TMEM87A: variants seen among roughly 807,000 people sequenced by gnomAD.
TMEM87A encodes Golgi-pH regulating cation channel.
A neutral mutation model predicts 90.0 loss-of-function variants in TMEM87A; 50 were observed. That is an observed-to-expected ratio of 0.56 (90% CI 0.44 to 0.70). The LOEUF is 0.70. Among genes scored for constraint, TMEM87A ranks in the 30% least tolerant of loss-of-function variants. The pLI is 0.00. For synonymous variants in TMEM87A, 226 were observed against 226.7 expected, an observed-to-expected ratio of 1.00 and a Z score of 0.03; for missense variants, 577 against 660.5, an observed-to-expected ratio of 0.87 and a Z score of 1.39.
chr15:42,221,273 G>GAC (rs1266147403), intron 15 of TMEM87A, among the ~76,000 whole-genome samples: 4 of 143,150 alleles, frequency 2.8e-5, no homozygotes, highest in Admixed American at 6.9e-5. Context: ...GACAGAGACA[G>GAC]AGAGAGAGAG....
At chr15:42,217,927 T>C (rs2050409551) in intron 18 of TMEM87A, 94 bp from the exon 19 acceptor site, 2 of 1,275,400 alleles carry the variant, frequency 1.6e-6, no homozygotes, top group Non-Finnish European at 2.2e-6. Context: ...AAAAGCTTTA[T>C]AATTATCTAA....
intron 8 of TMEM87A, 99 bp downstream of exon 8, chr15:42,239,571 A>G (rs2050834351): frequency 9.7e-7 from 1 of 1,027,210 alleles, no homozygotes; most frequent in Admixed American, 1.8e-5. Flanking sequence ...TGAATTGCAC[A>G]GGAACAATTC....
chr15:42,223,816 T>A (rs1210960055), intron 15 of TMEM87A, among the ~76,000 whole-genome samples: 1 of 152,076 alleles, frequency 6.6e-6, no homozygotes, highest in Non-Finnish European at 1.5e-5. Context: ...TTAATTCTCA[T>A]CCACCAAATC....
At chr15:42,263,982 A>T in intron 4 of TMEM87A, 108 bp downstream of exon 4, 1 of 765,414 alleles carries the variant, frequency 1.3e-6, no homozygotes, top group Non-Finnish European at 2.2e-6. Flanking sequence ...GCTTCCACTT[A>T]CTTCTGCCAA....
intron 6 of TMEM87A, among the ~76,000 whole-genome samples, chr15:42,256,721 T>C (rs187674927): frequency 2.6e-5 from 4 of 152,302 alleles, no homozygotes; most frequent in African/African-American, 9.6e-5. Flanking sequence ...AATAATTTTT[T>C]TGCTGTTGTT....
At chr15:42,228,560 C>A in intron 13 of TMEM87A, 152 bp downstream of exon 13, 1 of 634,932 alleles carries the variant, frequency 1.6e-6, no homozygotes, top group South Asian at 1.9e-5. Context: ...TTTTAAAAAC[C>A]ACAGATCCTT....
At chr15:42,227,324 C>A (rs929527884) in intron 14 of TMEM87A, among the ~76,000 whole-genome samples, 1 of 152,178 alleles carries the variant, frequency 6.6e-6, no homozygotes, top group African/African-American at 2.4e-5. Context: ...ATCCTACTGT[C>A]ACAGTCGTTG....
Position 42,219,954 on chromosome 15 carries a change from C to G in TMEM87A, c.1477+108G>C, listed in dbSNP as rs1318413812. The G allele has an allele frequency of 3.7e-6, 4 of 1,080,606 alleles. No homozygotes were observed. In the East Asian group the frequency reaches 8.0e-5, roughly 22 times the overall value. The allele number at this position is 1,080,606 out of a possible 1,614,324, so 66.9% of individuals were successfully genotyped here. On this transcript the variant is annotated intron_variant, in intron 16 of 19. Coordinates refer to ENST00000389834, the MANE Select transcript of TMEM87A (RefSeq NM_015497.5). ...CACACCCTTATTTTCTTAACCCTGA[C>G]TTCATCCCACACCAAATATAGGAAC... is the stretch of plus-strand genomic sequence containing the variant.
At chr15:42,264,484 C>T (rs1392313579) in intron 3 of TMEM87A, among the ~76,000 whole-genome samples, 1 of 151,992 alleles carries the variant, frequency 6.6e-6, no homozygotes, top group Non-Finnish European at 1.5e-5. Context: ...GGTTTTGTCA[C>T]ATTAAAATAT....
intron 8 of TMEM87A, among the ~76,000 whole-genome samples, chr15:42,238,005 A>ATG (rs200237374): frequency 2.4e-3 from 29 of 12,214 alleles, no homozygotes; most frequent in Middle Eastern, 0.17. Context: ...ATATATATAT[A>ATG]TGTGTGTGTG....
At chr15:42,248,986 T>C (rs1046009205) in intron 6 of TMEM87A, among the ~76,000 whole-genome samples, 2 of 152,206 alleles carry the variant, frequency 1.3e-5, no homozygotes, top group Non-Finnish European at 2.9e-5. Flanking sequence ...TATTCAGAGA[T>C]TCAACTTCTT....
intron 2 of TMEM87A, chr15:42,271,742 T>C (rs2051529527): frequency 6.5e-6 from 1 of 153,990 alleles, no homozygotes; most frequent in Admixed American, 6.6e-5. Context: ...CAACTGTAAA[T>C]GTAATTCGAC....
At chr15:42,259,124 A>C in intron 6 of TMEM87A, 1 of 631,578 alleles carries the variant, frequency 1.6e-6, no homozygotes, top group Admixed American at 2.9e-5. Flanking sequence ...CACTAGGCAA[A>C]GGGGGTAGGG....
At chr15:42,239,198 G>A (rs1180275278) in intron 8 of TMEM87A, among the ~76,000 whole-genome samples, 4 of 152,108 alleles carry the variant, frequency 2.6e-5, no homozygotes, top group South Asian at 2.1e-4. Flanking sequence ...CTACCACCAC[G>A]CCCAGCTAAT....
chr15:42,224,300 G>A (rs1230780693), intron 15 of TMEM87A: 1 of 152,238 alleles, frequency 6.6e-6, no homozygotes, highest in Non-Finnish European at 1.5e-5. Context: ...GCTCAAATGG[G>A]TTTCCCACAT....
chr15:42,253,258 G>A (rs1337222690), intron 6 of TMEM87A, among the ~76,000 whole-genome samples: 3 of 152,140 alleles, frequency 2.0e-5, no homozygotes, highest in Admixed American at 6.5e-5. Context: ...TTTTCTGATC[G>A]TATGTCCAGT....
chr15:42,242,207 G>T (rs1248294382), intron 7 of TMEM87A, among the ~76,000 whole-genome samples: 1 of 152,148 alleles, frequency 6.6e-6, no homozygotes, highest in Non-Finnish European at 1.5e-5. Flanking sequence ...TTGGGCTCTT[G>T]GGCCAGAAGC....
intron 6 of TMEM87A, among the ~76,000 whole-genome samples, chr15:42,256,209 T>A (rs897376592): frequency 2.0e-5 from 3 of 152,322 alleles, no homozygotes; most frequent in African/African-American, 7.2e-5. Flanking sequence ...GGTGCAATCA[T>A]GGCTCACTAC....
chr15:42,259,080 T>G, intron 6 of TMEM87A: 1 of 677,956 alleles, frequency 1.5e-6, no homozygotes, highest in Non-Finnish European at 2.7e-6. Context: ...TCCCTGAAAC[T>G]GTTAACAGCT....
Sources: gnomAD v4.1 joint callset for allele counts (sites outside exome capture counted in the v4.1 genomes callset) on GRCh38, gnomAD v4.1.1 for gene constraint, MANE v1.5 for transcripts, NCBI Gene and HGNC (gene_info 2026-07-23, HGNC 2026-07-21) for gene names.